AMPH: variants seen among roughly 807,000 people sequenced by gnomAD.
AMPH encodes the protein amphiphysin (Stiff-Mann syndrome with breast cancer 128kD autoantigen).
AMPH carries 49 observed loss-of-function variants against 99.1 expected under a neutral mutation model. The observed-to-expected ratio is 0.49, with a 90% confidence interval of 0.39 to 0.63. The LOEUF (loss-of-function observed/expected upper bound fraction) is 0.63. Among genes scored for constraint, AMPH ranks in the 20% least tolerant of loss-of-function variants. The pLI is 0.00. For synonymous variants in AMPH, 314 were observed against 317.3 expected, an observed-to-expected ratio of 0.99 and a Z score of 0.11; for missense variants, 759 against 863.4, an observed-to-expected ratio of 0.88 and a Z score of 1.52.
At chr7:38,542,899 G>A (rs940676390) in intron 1 of AMPH, among the ~76,000 whole-genome samples, 10 of 151,884 alleles carry the variant, frequency 6.6e-5, no homozygotes, top group Admixed American at 1.3e-4. Context: ...TTTGAGACCA[G>A]CTTGGCCAAT....
At chr7:38,541,436 A>G (rs1298790715) in intron 1 of AMPH, among the ~76,000 whole-genome samples, 2 of 152,218 alleles carry the variant, frequency 1.3e-5, no homozygotes, top group African/African-American at 4.8e-5. Context: ...TGAGAGGACT[A>G]AGATGAAACA....
At chr7:38,626,290 AACTAT>A in intron 1 of AMPH, among the ~76,000 whole-genome samples, 1 of 152,320 alleles carries the variant, frequency 6.6e-6, no homozygotes, top group East Asian at 1.9e-4. Context: ...CCCCACTTCA[AACTAT>A]ACTACAAGGC....
intron 1 of AMPH, among the ~76,000 whole-genome samples, chr7:38,602,337 T>C (rs2129061793): frequency 6.6e-6 from 1 of 152,314 alleles, no homozygotes; most frequent in East Asian, 1.9e-4. Context: ...ACTTTGTGGC[T>C]GGAAACAACA....
At chr7:38,610,298 A>AGG (rs1793601632) in intron 1 of AMPH, among the ~76,000 whole-genome samples, 1 of 14,020 alleles carries the variant, frequency 7.1e-5, no homozygotes, top group Admixed American at 1.0e-3. Context: ...GAAAGAAAGA[A>AGG]AAGAAAAGAA....
At chr7:38,622,826 T>C (rs1332765126) in intron 1 of AMPH, among the ~76,000 whole-genome samples, 1 of 131,700 alleles carries the variant, frequency 7.6e-6, no homozygotes, top group African/African-American at 3.3e-5. Flanking sequence ...TATTCATTTG[T>C]AAAGAGCTCA....
At chr7:38,562,286 T>C (rs1229849145) in intron 1 of AMPH, among the ~76,000 whole-genome samples, 1 of 152,192 alleles carries the variant, frequency 6.6e-6, no homozygotes, top group Non-Finnish European at 1.5e-5. Context: ...GAGAAAGTCA[T>C]CATTGTCTGG....
chr7:38,623,950 C>T (rs1224503070), intron 1 of AMPH, among the ~76,000 whole-genome samples: 6 of 152,146 alleles, frequency 3.9e-5, no homozygotes, highest in African/African-American at 1.4e-4. Flanking sequence ...ATGACAATTC[C>T]ACATGATTCA....
intron 13 of AMPH, 97 bp downstream of exon 13, chr7:38,432,092 G>T: frequency 9.6e-7 from 1 of 1,044,544 alleles, no homozygotes; most frequent in Non-Finnish European, 1.5e-6. Context: ...TTAAATGTAT[G>T]TGTCTTCTTT....
At chr7:38,619,777 C>T (rs1793992067) in intron 1 of AMPH, among the ~76,000 whole-genome samples, 1 of 152,136 alleles carries the variant, frequency 6.6e-6, no homozygotes, top group Admixed American at 6.5e-5. Flanking sequence ...AGGTCTCAAC[C>T]TATAGTTTAG....
At chr7:38,470,321 T>C (rs1787833909) in intron 7 of AMPH, among the ~76,000 whole-genome samples, 1 of 152,198 alleles carries the variant, frequency 6.6e-6, no homozygotes, top group South Asian at 2.1e-4. Context: ...CTGTTGCTGC[T>C]TCCTCATCTC....
At chr7:38,538,229 T>G (rs1790685678) in intron 1 of AMPH, among the ~76,000 whole-genome samples, 1 of 152,168 alleles carries the variant, frequency 6.6e-6, no homozygotes, top group Admixed American at 6.5e-5. Context: ...TCAAATACAT[T>G]CTGAGAATCC....
At position 38,389,889 on chromosome 7, in the gene AMPH, T is replaced by A. The variant is rs1784442040; in HGVS notation, c.1895A>T (p.Asp632Val). Reference protein sequence around the residue: ...GFLYKVETLHDFEAANSDELT... With the variant: ...GFLYKVETLHVFEAANSDELT... ...TTCATCAGAATTTGCTGCCTCAAAATCATGCAGTGTTTCCACCTGCAGAAG... is the reference window on the plus strand; with the variant it reads ...TTCATCAGAATTTGCTGCCTCAAAAACATGCAGTGTTTCCACCTGCAGAAG... The change falls in exon 20 of 21, where the codon GAT becomes GTT. Residue 632 changes from aspartate to valine, a missense_variant. By Grantham distance (152) the Asp-to-Val change is radical. This residue lies in a region of AMPH where 554 missense variants were observed against 575.6 expected (regional missense o/e 0.96). Transcript: ENST00000356264. 6.2e-7 allele frequency: 1 copy of A among 1,613,510 alleles called. No homozygotes were observed. The highest frequency in any genetic ancestry group is 8.5e-7 in the Non-Finnish European group (1 of 1,179,824).
intron 16 of AMPH, among the ~76,000 whole-genome samples, chr7:38,422,219 C>T (rs1785603494): frequency 6.6e-6 from 1 of 152,214 alleles, no homozygotes; most frequent in Non-Finnish European, 1.5e-5. Context: ...GCTGGAATCA[C>T]TGTGCCTGTG....
intron 17 of AMPH, among the ~76,000 whole-genome samples, chr7:38,416,545 A>T (rs182707832): frequency 6.6e-6 from 1 of 152,188 alleles, no homozygotes; most frequent in Non-Finnish European, 1.5e-5. Context: ...ACCTAAATCA[A>T]TATCTTTTTA....
rs114081442 is a variant in AMPH at position 38,437,231 on chromosome 7, T to C, written c.1018-843A>G. On this transcript the variant is annotated intron_variant, in intron 11 of 20. Coordinates refer to ENST00000356264, the MANE Select transcript of AMPH (RefSeq NM_001635.4). ...CATAACCCAGGCTCAAGTTACACAG[T>C]AAAGGGCCAGGCTAAGACAAAGTCC... 2.6e-3 allele frequency among the ~76,000 whole-genome samples: 391 copies of C among 152,204 alleles called. 1 individual carries two copies. The highest frequency in any genetic ancestry group is 9.0e-3 in the African/African-American group (374 of 41,520).
At chr7:38,593,564 A>G (rs879611160) in intron 1 of AMPH, among the ~76,000 whole-genome samples, 15 of 152,232 alleles carry the variant, frequency 9.9e-5, no homozygotes, top group Non-Finnish European at 2.2e-4. Flanking sequence ...CCTCTATAAA[A>G]ATAACAAATG....
chr7:38,437,639 A>AAAAAAAAAAAAAAAAGAAAAG (rs765494380), intron 11 of AMPH, among the ~76,000 whole-genome samples: 163 of 96,706 alleles, frequency 1.7e-3, no homozygotes, highest in African/African-American at 2.3e-3. Flanking sequence ...AAAAAAAAAA[A>AAAAAAAAAAAAAAAAGAAAAG]AAAAGAAAAG....
At chr7:38,401,568 G>A (rs1392938447) in intron 17 of AMPH, among the ~76,000 whole-genome samples, 1 of 152,164 alleles carries the variant, frequency 6.6e-6, no homozygotes, top group African/African-American at 2.4e-5. Flanking sequence ...TTGACTTGGG[G>A]TAGAATTACT....
At chr7:38,618,239 G>A (rs572191744) in intron 1 of AMPH, among the ~76,000 whole-genome samples, 4 of 151,952 alleles carry the variant, frequency 2.6e-5, no homozygotes, top group South Asian at 2.1e-4. Flanking sequence ...TAGGCCAGGC[G>A]CGGTGGCTCA....
Sources: allele counts gnomAD v4.1 joint callset (sites outside exome capture counted in the v4.1 genomes callset), GRCh38; gene constraint gnomAD v4.1.1; regional missense constraint gnomAD v4.1.1; transcripts MANE v1.5; gene names NCBI Gene and HGNC (gene_info 2026-07-23, HGNC 2026-07-21).